CALN1: variants seen among roughly 807,000 people sequenced by gnomAD.
CALN1 encodes calneuron 1.
Under a neutral mutation model 30.6 loss-of-function variants are expected in CALN1, and 17 were observed. The observed-to-expected ratio is 0.56, with a 90% CI of 0.38 to 0.83. The LOEUF is 0.83. Among genes scored for constraint, CALN1 ranks in the 40% least tolerant of loss-of-function variants. The pLI, the probability that CALN1 is intolerant of heterozygous loss-of-function variation, is 0.00. For synonymous variants in CALN1, 156 were observed against 131.4 expected (o/e 1.19, Z -1.28); for missense variants, 291 against 354.9 (o/e 0.82, Z 1.45).
chr7:72,359,662 G>A lies in CALN1; in HGVS notation c.119+43589C>T, dbSNP rs556384986. 4.6e-5 allele frequency among the ~76,000 whole-genome samples: 7 copies of A among 152,174 alleles called. No individual in the cohort carries two copies. In the East Asian group the frequency reaches 9.7e-4, roughly 21 times the overall value. ...AAACCTCATACAAACTCAATCAAGT[G>A]GAGGAACCTTGTGAAAGTTGACCTG... On this transcript the variant is annotated intron_variant, in intron 2 of 6. Transcript: ENST00000395275.
At chr7:72,313,961 A>G (rs368575370) in intron 2 of CALN1, among the ~76,000 whole-genome samples, 1 of 152,210 alleles carries the variant, frequency 6.6e-6, no homozygotes, top group East Asian at 1.9e-4. Context: ...TCTACACCAC[A>G]AATGAGCCAG....
chr7:72,056,856 T>C (rs1803287610), intron 4 of CALN1, among the ~76,000 whole-genome samples: 1 of 152,142 alleles, frequency 6.6e-6, no homozygotes, highest in South Asian at 2.1e-4. Flanking sequence ...TTCAATAATA[T>C]GAAAATAAAT....
chr7:72,235,345 A>T (rs1794404292), intron 3 of CALN1, among the ~76,000 whole-genome samples: 1 of 152,172 alleles, frequency 6.6e-6, no homozygotes, highest in Admixed American at 6.5e-5. Context: ...GATCAATTAG[A>T]GTGTGTCCAC....
intron 5 of CALN1, among the ~76,000 whole-genome samples, chr7:71,870,848 A>C (rs1481462853): frequency 6.6e-6 from 1 of 152,170 alleles, no homozygotes; most frequent in African/African-American, 2.4e-5. Flanking sequence ...TTGGCCTTGC[A>C]TGGTTGGTGG....
intron 2 of CALN1, among the ~76,000 whole-genome samples, chr7:72,348,932 T>C (rs1194535823): frequency 6.6e-6 from 1 of 151,994 alleles, no homozygotes; most frequent in Non-Finnish European, 1.5e-5. Context: ...ACAATGGCAA[T>C]GGAATCTGCA....
chr7:72,253,453 C>A (rs489490), intron 3 of CALN1, among the ~76,000 whole-genome samples: 85,655 of 152,056 alleles, frequency 0.56, 24,392 homozygotes, highest in South Asian at 0.65. Context: ...AAGCAGTTTA[C>A]TTGACTCACA....
At chr7:71,954,752 G>T (rs1796870997) in intron 5 of CALN1, among the ~76,000 whole-genome samples, 1 of 152,200 alleles carries the variant, frequency 6.6e-6, no homozygotes, top group East Asian at 1.9e-4. Flanking sequence ...TTATGGAATG[G>T]TAAGAATGAA....
chr7:71,798,857 C>G (rs1370099864), intron 6 of CALN1, among the ~76,000 whole-genome samples: 1 of 152,008 alleles, frequency 6.6e-6, no homozygotes, highest in African/African-American at 2.4e-5. Flanking sequence ...AACTCCTGAC[C>G]TCGTGATCCA....
intron 5 of CALN1, among the ~76,000 whole-genome samples, chr7:71,815,604 G>A (rs897241178): frequency 6.6e-6 from 1 of 152,166 alleles, no homozygotes; most frequent in African/African-American, 2.4e-5. Context: ...GGTTTCTGCA[G>A]TGTAACTTAG....
the CALN1 span, among the ~76,000 whole-genome samples, chr7:72,494,869 A>T: frequency 6.6e-6 from 1 of 150,846 alleles, no homozygotes; most frequent in Non-Finnish European, 1.5e-5. Context: ...CCTGTCTCAA[A>T]AATAATAATA....
chr7:72,206,930 A>G (rs1008154691), intron 3 of CALN1, among the ~76,000 whole-genome samples: 1 of 152,200 alleles, frequency 6.6e-6, no homozygotes, highest in Non-Finnish European at 1.5e-5. Context: ...CTGTATTTTT[A>G]TAAGAACCAA....
At chr7:72,277,792 T>C (rs1404623225) in intron 3 of CALN1, among the ~76,000 whole-genome samples, 1 of 151,856 alleles carries the variant, frequency 6.6e-6, no homozygotes, top group Non-Finnish European at 1.5e-5. Context: ...AGCACACTGA[T>C]TTGAACCATT....
At chr7:72,217,573 C>T (rs1389594790) in intron 3 of CALN1, among the ~76,000 whole-genome samples, 4 of 152,088 alleles carry the variant, frequency 2.6e-5, no homozygotes, top group Admixed American at 6.6e-5. Context: ...CAGAAAGCTA[C>T]ATCAGAGTTC....
chr7:72,228,660 G>A (rs1793855320), intron 3 of CALN1, among the ~76,000 whole-genome samples: 3 of 151,860 alleles, frequency 2.0e-5, no homozygotes, highest in South Asian at 2.1e-4. Flanking sequence ...TTTAAGTAAA[G>A]GTGACGATGG....
intron 4 of CALN1, among the ~76,000 whole-genome samples, chr7:72,080,249 C>A (rs1037673852): frequency 6.6e-6 from 1 of 152,182 alleles, no homozygotes; most frequent in African/African-American, 2.4e-5. Context: ...GCCTTAAAAC[C>A]ACCCCACTTG....
At chr7:72,159,131 C>T (rs1787924425) in intron 3 of CALN1, among the ~76,000 whole-genome samples, 1 of 152,078 alleles carries the variant, frequency 6.6e-6, no homozygotes, top group Non-Finnish European at 1.5e-5. Context: ...GGATTACAGG[C>T]ATGAGCCACT....
intron 5 of CALN1, among the ~76,000 whole-genome samples, chr7:72,017,170 TAAAAA>T (rs58672373): frequency 1.1e-5 from 1 of 88,120 alleles, no homozygotes; most frequent in Non-Finnish European, 2.6e-5. Context: ...TCTCAAAAAT[TAAAAA>T]AAAAAAAAAA....
intron 5 of CALN1, among the ~76,000 whole-genome samples, chr7:72,002,894 G>A (rs890037714): frequency 5.3e-5 from 8 of 152,196 alleles, no homozygotes; most frequent in Admixed American, 1.3e-4. Flanking sequence ...ATCAGGGACT[G>A]AGGAGTTGTG....
intron 3 of CALN1, among the ~76,000 whole-genome samples, chr7:72,262,843 C>T (rs1020896123): frequency 5.3e-5 from 8 of 152,168 alleles, no homozygotes; most frequent in Non-Finnish European, 1.0e-4. Context: ...TACCTCCAAA[C>T]CAATGAGGAC....
Sources: gnomAD v4.1 joint callset for allele counts (sites outside exome capture counted in the v4.1 genomes callset) on GRCh38, gnomAD v4.1.1 for gene constraint, MANE v1.5 for transcripts, NCBI Gene and HGNC (gene_info 2026-07-23, HGNC 2026-07-21) for gene names.